The following PARD3B variants were observed in gnomAD, a reference collection of about 807,000 sequenced individuals.
The protein encoded by PARD3B is partitioning defective 3 homolog B.
Under a neutral mutation model 130.2 loss-of-function variants are expected in PARD3B, and 103 were observed. The observed-to-expected ratio is 0.79, with a 90% CI of 0.67 to 0.93. The LOEUF is 0.93. Ranked by LOEUF, PARD3B falls within the 40% of genes least tolerant of loss-of-function variation. The pLI is 0.00. For missense variants in PARD3B, 1,609 were observed against 1,499.2 expected (o/e 1.07, Z -1.21); for synonymous variants, 583 against 553.2 (o/e 1.05, Z -0.76).
rs2106254459 is a variant in PARD3B, at chr2:205,470,263, C to G, written c.3044+29591C>G. ...TCAAAGCATCCCCTCCCAGCAGTGC[C>G]CTAGCCTTTCTCATTCCTCTTCAAA... is the stretch of plus-strand genomic sequence containing the variant. On this transcript the variant is annotated intron_variant, in intron 20 of 22. Transcript: ENST00000406610. This position sits in a 1 kb window ranked among gnomAD's most constrained non-coding sequence, Gnocchi z 4.8. Among the ~76,000 whole-genome samples, 1 of 152,292 alleles carries G rather than the reference C, an allele frequency of 6.6e-6. No homozygotes were observed.
At chr2:204,625,144 A>T (rs971941136) in intron 1 of PARD3B, among the ~76,000 whole-genome samples, 2 of 151,966 alleles carry the variant, frequency 1.3e-5, no homozygotes, top group African/African-American at 4.8e-5. Flanking sequence ...GTTTGGAAAT[A>T]TTTTTTTCTC....
At chr2:205,046,639 G>A (rs575017084) in intron 3 of PARD3B, among the ~76,000 whole-genome samples, 10 of 152,210 alleles carry the variant, frequency 6.6e-5, no homozygotes, top group African/African-American at 2.4e-4. Context: ...CCTTTAAGCT[G>A]GAATCGCTTC....
chr2:204,564,743 A>G (rs1225506774), intron 1 of PARD3B, among the ~76,000 whole-genome samples: 4 of 152,232 alleles, frequency 2.6e-5, no homozygotes, highest in South Asian at 2.1e-4. Flanking sequence ...ATCTGTTGCA[A>G]TGTTGTTTTG....
At chr2:205,507,633 T>C (rs1344235709) in intron 21 of PARD3B, among the ~76,000 whole-genome samples, 2 of 151,840 alleles carry the variant, frequency 1.3e-5, no homozygotes, top group Admixed American at 6.6e-5. Flanking sequence ...CAAAGGAAAA[T>C]CAAGGTGCTG....
At chr2:204,596,236 T>C (rs1484071569) in intron 1 of PARD3B, among the ~76,000 whole-genome samples, 1 of 152,202 alleles carries the variant, frequency 6.6e-6, no homozygotes, top group Non-Finnish European at 1.5e-5. Flanking sequence ...CTCATACAAA[T>C]AGAATAGATT....
At chr2:205,175,689 G>A (rs1291965748) in intron 12 of PARD3B, among the ~76,000 whole-genome samples, 2 of 151,974 alleles carry the variant, frequency 1.3e-5, no homozygotes, top group Admixed American at 6.6e-5. Flanking sequence ...CAAATAATAC[G>A]AACAAGAGCA....
chr2:205,318,443 G>A (rs377445771), intron 18 of PARD3B, among the ~76,000 whole-genome samples: 13 of 152,254 alleles, frequency 8.5e-5, no homozygotes, highest in East Asian at 7.7e-4. Context: ...ATTAAATGTC[G>A]AGTGATATGA....
chr2:205,322,646 GAAAC>G lies in PARD3B; in HGVS notation c.2630+20957_2630+20960del, dbSNP rs761434824. Among the ~76,000 whole-genome samples the G allele has an allele frequency of 4.6e-5, 7 of 152,198 alleles. No homozygotes were observed. The East Asian group carries it at 1.2e-3, about 25-fold the overall frequency. ...AACTGGAGATAGTTTGATTCTGGGT[GAAAC>G]AAACAAACAAAAATATGAAGGAGTA... On this transcript the variant is annotated intron_variant, in intron 18 of 22. Transcript: ENST00000406610.
In PARD3B at chr2:205,589,695, G is replaced by A. The variant is rs1575434471; in HGVS notation, c.3261-25761G>A. 6.6e-6 allele frequency among the ~76,000 whole-genome samples: 1 copy of A among 152,138 alleles called. No individual in the cohort carries two copies. The highest frequency in any genetic ancestry group is 1.9e-4 in the East Asian group (1 of 5,188). On this transcript the variant is annotated intron_variant, in intron 22 of 22. Coordinates refer to ENST00000406610, the MANE Select transcript of PARD3B (RefSeq NM_001302769.2). This position sits in a 1 kb window ranked among gnomAD's most constrained non-coding sequence, Gnocchi z 4.1. ...TGTCTCTATTGGAGAATTGCTAGAG[G>A]ACTCGAGTTAGGGATGATTCACTTT...
intron 1 of PARD3B, among the ~76,000 whole-genome samples, chr2:204,670,172 A>C (rs1235955225): frequency 6.6e-6 from 1 of 152,218 alleles, no homozygotes; most frequent in African/African-American, 2.4e-5. Flanking sequence ...ATGCTTACAC[A>C]TGGTTTAAAG....
chr2:204,655,754 A>C (rs999244550), intron 1 of PARD3B, among the ~76,000 whole-genome samples: 6 of 152,066 alleles, frequency 3.9e-5, no homozygotes, highest in African/African-American at 1.4e-4. Context: ...ATATATCTGA[A>C]TAACAACCAC....
At position 205,615,913 on chromosome 2, in the gene PARD3B, A is replaced by G. The variant is rs2055418533; in HGVS notation, c.*100A>G. On this transcript the variant is annotated 3_prime_UTR_variant, in exon 23 of 23. Transcript: ENST00000406610. ...ACCTCCTTGGTGTTAGGAATTCTCC[A>G]TGTTACTGATAAGCTTTTTCTCACT... 16 of 1,002,964 alleles carry G rather than the reference A, an allele frequency of 1.6e-5. No individual in the cohort carries two copies. Among genetic ancestry groups the G allele is most frequent in the Middle Eastern group, 2.3e-4 (1 of 4,432 alleles). 62.1% of individuals were successfully genotyped at this position (1,002,964 alleles called of 1,614,324 possible).
At chr2:204,883,330 G>T (rs929045966) in intron 2 of PARD3B, among the ~76,000 whole-genome samples, 8 of 142,590 alleles carry the variant, frequency 5.6e-5, no homozygotes, top group Non-Finnish European at 1.1e-4. Flanking sequence ...TTTCATTTTT[G>T]ATCAGTTATG....
chr2:205,528,235 G>C (rs922482683), intron 21 of PARD3B, among the ~76,000 whole-genome samples: 2 of 152,150 alleles, frequency 1.3e-5, no homozygotes, highest in African/African-American at 4.8e-5. Flanking sequence ...GTCTACACCA[G>C]GAAGTAAAAC....
chr2:205,172,117 T>C (rs2035205011), intron 11 of PARD3B, 94 bp from the exon 12 acceptor site: 1 of 1,315,168 alleles, frequency 7.6e-7, no homozygotes, highest in Admixed American at 2.4e-5. Flanking sequence ...TTTTTTCTTT[T>C]TTTCATTTTT....
chr2:205,127,548 A>G (rs2031582822), intron 10 of PARD3B, among the ~76,000 whole-genome samples: 1 of 152,172 alleles, frequency 6.6e-6, no homozygotes, highest in Non-Finnish European at 1.5e-5. Context: ...AGTTATTATC[A>G]AATATGTAAA....
intron 3 of PARD3B, among the ~76,000 whole-genome samples, chr2:204,987,226 A>G (rs371483158): frequency 1.2e-3 from 178 of 152,320 alleles, no homozygotes; most frequent in African/African-American, 4.1e-3. Flanking sequence ...GGTAAAATGA[A>G]GACAATCAAC....
Position 205,525,948 on chromosome 2 carries a change from A to G in PARD3B, c.3180+25917A>G, listed in dbSNP as rs1162986791. On this transcript the variant is annotated intron_variant, in intron 21 of 22. Coordinates refer to ENST00000406610, the MANE Select transcript of PARD3B (RefSeq NM_001302769.2). This position sits in a 1 kb window ranked among gnomAD's most constrained non-coding sequence, Gnocchi z 4.2. The stretch of plus-strand genomic sequence containing the variant: ...AACCAGTCTTACTCTGATTTTCATG[A>G]CACCCCCACCCTGCCCTTGCTTCTC... 6.6e-6 allele frequency among the ~76,000 whole-genome samples: 1 copy of G among 152,200 alleles called. No individual in the cohort carries two copies. The highest frequency in any genetic ancestry group is 2.4e-5 in the African/African-American group (1 of 41,458).
chr2:204,706,137 G>A (rs1393060015), intron 2 of PARD3B, among the ~76,000 whole-genome samples: 1 of 152,078 alleles, frequency 6.6e-6, no homozygotes, highest in Admixed American at 6.6e-5. Flanking sequence ...GGAGGCCGAG[G>A]TGAGAGGATC....
Sources: gnomAD v4.1 joint callset for allele counts (sites outside exome capture counted in the v4.1 genomes callset) on GRCh38, gnomAD v4.1.1 for gene constraint, Gnocchi (gnomAD v3.1) non-coding constraint, MANE v1.5 for transcripts, NCBI Gene and HGNC (gene_info 2026-07-23, HGNC 2026-07-21) for gene names.